The following ABLIM1 variants were observed in gnomAD, a reference collection of about 807,000 sequenced individuals.
ABLIM1 encodes actin-binding LIM protein 1.
In ABLIM1, 40 loss-of-function variants were observed where a neutral mutation model predicts 107.0. The ratio of observed to expected loss-of-function variants is 0.37; its 90% CI spans 0.29 to 0.49. ABLIM1 has a LOEUF of 0.49. Ranked by LOEUF, ABLIM1 falls within the 20% of genes least tolerant of loss-of-function variation. The probability of loss-of-function intolerance (pLI) is 0.97; values close to 1 mark genes in which losing one functional copy is unlikely to be tolerated. For synonymous variants in ABLIM1, 357 were observed against 357.3 expected, an observed-to-expected ratio of 1.00 and a Z score of 0.01; for missense variants, 857 against 1,008.5, an observed-to-expected ratio of 0.85 and a Z score of 2.04.
chr10:114,625,990 A>C (rs2077765268), intron 1 of ABLIM1, among the ~76,000 whole-genome samples: 1 of 152,224 alleles, frequency 6.6e-6, no homozygotes, highest in Admixed American at 6.5e-5. Context: ...AAAATAAAAT[A>C]AGATTGGCTT....
At chr10:114,554,612 C>T (rs145407457) in intron 4 of ABLIM1, among the ~76,000 whole-genome samples, 5,437 of 152,216 alleles carry the variant, frequency 0.036, 298 homozygotes, top group African/African-American at 0.12. Flanking sequence ...GGGAGGATTG[C>T]TTGAGCCCAG....
At chr10:114,438,956 C>T (rs1472700191) in intron 21 of ABLIM1, among the ~76,000 whole-genome samples, 3 of 152,252 alleles carry the variant, frequency 2.0e-5, no homozygotes, top group African/African-American at 7.2e-5. Flanking sequence ...CAGAGAGGGA[C>T]TGGCACCTCA....
At chr10:114,621,003 A>C (rs78800500) in intron 1 of ABLIM1, among the ~76,000 whole-genome samples, 3,334 of 151,606 alleles carry the variant, frequency 0.022, 130 homozygotes, top group African/African-American at 0.07. Context: ...GACCCACAAA[A>C]CCCCCCTACT....
intron 1 of ABLIM1, among the ~76,000 whole-genome samples, chr10:114,691,382 A>C (rs1209679114): frequency 6.6e-6 from 1 of 152,220 alleles, no homozygotes; most frequent in East Asian, 1.9e-4. Flanking sequence ...TCCATAAAAC[A>C]GTTTTTACAT....
At chr10:114,552,874 C>T (rs1399685521) in intron 4 of ABLIM1, among the ~76,000 whole-genome samples, 1 of 152,320 alleles carries the variant, frequency 6.6e-6, no homozygotes, top group East Asian at 1.9e-4. Flanking sequence ...ACTCAATAGA[C>T]TCCCTTTTTC....
chr10:114,455,978 A>G (rs989693866), intron 12 of ABLIM1, among the ~76,000 whole-genome samples: 20 of 151,316 alleles, frequency 1.3e-4, no homozygotes, highest in African/African-American at 4.9e-4. Flanking sequence ...GCGCCCGGCT[A>G]ATTTTTTGAA....
chr10:114,769,541 GA>G (rs2082997014), upstream of ABLIM1, among the ~76,000 whole-genome samples: 1 of 143,938 alleles, frequency 6.9e-6, no homozygotes, highest in Admixed American at 7.0e-5. Context: ...AGAAAGGAAG[GA>G]AGGAAGAAAG....
At chr10:114,583,464 CACACATATATATATATATAT>C (rs1235647683) in intron 2 of ABLIM1, among the ~76,000 whole-genome samples, 6 of 8,334 alleles carry the variant, frequency 7.2e-4, no homozygotes, top group Non-Finnish European at 1.4e-3. Flanking sequence ...CACACACACA[CACACATATATATATATATAT>C]ATATATATAT....
intron 10 of ABLIM1, 151 bp from the exon 11 acceptor site, chr10:114,468,367 C>A: frequency 1.5e-6 from 1 of 650,932 alleles, no homozygotes; most frequent in Admixed American, 2.3e-5. Flanking sequence ...CTCCGCCTCC[C>A]AGGTTCAAGC....
chr10:114,737,819 A>G (rs891826132), intron 1 of ABLIM1, among the ~76,000 whole-genome samples: 1 of 152,162 alleles, frequency 6.6e-6, no homozygotes, highest in Non-Finnish European at 1.5e-5. Flanking sequence ...TTGCAGATTC[A>G]CACAGGAAAT....
chr10:114,511,267 A>C (rs1008646664), intron 6 of ABLIM1, among the ~76,000 whole-genome samples: 1 of 152,054 alleles, frequency 6.6e-6, no homozygotes, highest in African/African-American at 2.4e-5. Flanking sequence ...ATGGCAGAAC[A>C]AATATTTAAG....
the ABLIM1 span, among the ~76,000 whole-genome samples, chr10:114,780,247 C>T: frequency 2.0e-5 from 3 of 152,254 alleles, no homozygotes; most frequent in African/African-American, 7.2e-5. Context: ...AAGAAGGTGG[C>T]AGGCAAGAGG....
intron 4 of ABLIM1, among the ~76,000 whole-genome samples, chr10:114,567,391 C>A (rs2070915116): frequency 6.6e-6 from 1 of 152,166 alleles, no homozygotes; most frequent in Non-Finnish European, 1.5e-5. Context: ...GTATTAGTGC[C>A]AAGCTATAGG....
intron 1 of ABLIM1, among the ~76,000 whole-genome samples, chr10:114,714,794 CA>C (rs752193071): frequency 1.3e-5 from 2 of 152,176 alleles, no homozygotes; most frequent in Non-Finnish European, 2.9e-5. Context: ...GACAATTATG[CA>C]GTTGCTGTAA....
At chr10:114,695,879 G>C (rs1270828207) in intron 1 of ABLIM1, among the ~76,000 whole-genome samples, 1 of 152,062 alleles carries the variant, frequency 6.6e-6, no homozygotes, top group Non-Finnish European at 1.5e-5. Context: ...AGTTTCTTTG[G>C]GAAAACAGAG....
At chr10:114,627,091 T>C (rs1394554332) in intron 1 of ABLIM1, among the ~76,000 whole-genome samples, 2 of 152,186 alleles carry the variant, frequency 1.3e-5, no homozygotes, top group African/African-American at 4.8e-5. Context: ...TGTGGTACTT[T>C]GTTGCAGTGC....
At chr10:114,740,915 G>A (rs808331) in intron 1 of ABLIM1, among the ~76,000 whole-genome samples, 2 of 151,284 alleles carry the variant, frequency 1.3e-5, no homozygotes, top group African/African-American at 2.4e-5. Flanking sequence ...ATAGTGGTGT[G>A]CACCACTCTC....
At chr10:114,517,989 T>C (rs1473854852) in intron 6 of ABLIM1, among the ~76,000 whole-genome samples, 1 of 152,124 alleles carries the variant, frequency 6.6e-6, no homozygotes, top group Non-Finnish European at 1.5e-5. Flanking sequence ...TTGGTATTTG[T>C]CATGTTTTCT....
At chr10:114,677,507 T>C (rs2080538833) in intron 1 of ABLIM1, among the ~76,000 whole-genome samples, 1 of 152,202 alleles carries the variant, frequency 6.6e-6, no homozygotes, top group African/African-American at 2.4e-5. Context: ...GTATAGTGGC[T>C]CACGCCTGTA....
Sources: gnomAD v4.1 joint callset for allele counts (sites outside exome capture counted in the v4.1 genomes callset) on GRCh38, gnomAD v4.1.1 for gene constraint, MANE v1.5 for transcripts, NCBI Gene and HGNC (gene_info 2026-07-23, HGNC 2026-07-21) for gene names.